ZNF778: variants seen among roughly 807,000 people sequenced by gnomAD.
ZNF778 encodes zinc finger protein 778.
In ZNF778, 37 loss-of-function variants were observed where a neutral mutation model predicts 23.9. That is an observed-to-expected ratio of 1.54 (90% CI 1.19 to 2.03). The LOEUF (loss-of-function observed/expected upper bound fraction) is 2.03, where lower values mean the gene tolerates loss of function less well. ZNF778 is among the 30% of genes most tolerant of loss of function. ZNF778 has a pLI of 0.00. For synonymous variants in ZNF778, 483 were observed against 343.9 expected, an observed-to-expected ratio of 1.40 and a Z score of -4.48; for missense variants, 1,297 against 934.4, an observed-to-expected ratio of 1.39 and a Z score of -5.06.
At chr16:89,224,499 G>C (rs1169037155) in intron 4 of ZNF778, 3 of 444,226 alleles carry the variant, frequency 6.8e-6, no homozygotes, top group African/African-American at 5.9e-5. Context: ...GGCACCTATA[G>C]TCCCAGCTAC....
rs1301066838 is a variant in ZNF778, at chr16:89,227,204, G to GT, written c.916_917insT (p.Glu306ValfsTer5). 6.2e-7 allele frequency: 1 copy of GT among 1,613,886 alleles called. No individual in the cohort carries two copies. Among genetic ancestry groups the GT allele is most frequent in the East Asian group, 2.2e-5 (1 of 44,884 alleles). The stretch of plus-strand genomic sequence containing the variant: ...TGGTCGCGTGCAAGTCCACCCTGGG[G>GT]AAAAGCCCTGTGAATTGGAAGAATG... On this transcript the variant is annotated frameshift_variant, in exon 7 of 7. Coordinates refer to ENST00000433976, the MANE Select transcript of ZNF778 (RefSeq NM_001201407.2). LOFTEE classifies it low-confidence loss of function (END_TRUNC).
At chr16:89,222,066 G>A in intron 2 of ZNF778, 26 bp from the exon 3 acceptor site, 1 of 1,549,646 alleles carries the variant, frequency 6.5e-7, no homozygotes, top group Non-Finnish European at 8.8e-7. Flanking sequence ...GGGTTCTCAT[G>A]CCTTCTTGCC....
Position 89,234,559 on chromosome 16 carries a change from T to A in ZNF778, c.*5997T>A. On this transcript the variant is annotated 3_prime_UTR_variant, in exon 7 of 7. Transcript: ENST00000433976. The stretch of plus-strand genomic sequence containing the variant: ...AGGCTGTTGTGAGGTGAGTCACCAC[T>A]TGTGACTTAGAAGATTGCAGTGGTT... 6.0e-6 allele frequency: 1 copy of A among 166,440 alleles called. No individual in the cohort carries two copies. Among genetic ancestry groups the A allele is most frequent in the Admixed American group, 5.6e-5 (1 of 17,816 alleles). 10.3% of individuals were successfully genotyped at this position (166,440 alleles called of 1,614,324 possible). A position where few individuals can be genotyped will look rare whatever the true frequency, so the allele number is the denominator to read the frequency against.
chr16:89,235,916 T>G lies in ZNF778; in HGVS notation c.*7354T>G, dbSNP rs561811996. 6.6e-6 allele frequency: 1 copy of G among 151,364 alleles called. No individual in the cohort carries two copies. The highest frequency in any genetic ancestry group is 1.9e-4 in the East Asian group (1 of 5,168). 9.4% of individuals were successfully genotyped at this position (151,364 alleles called of 1,614,324 possible). A position where few individuals can be genotyped will look rare whatever the true frequency, so the allele number is the denominator to read the frequency against. On this transcript the variant is annotated 3_prime_UTR_variant, in exon 7 of 7. Coordinates refer to ENST00000433976, the MANE Select transcript of ZNF778 (RefSeq NM_001201407.2). ...GCTCACACCTGTAATCCCAGCACTT[T>G]GGGAGGCCGAGGTGGGCGGATCACA...
chr16:89,234,187 A>G lies in ZNF778; in HGVS notation c.*5625A>G. On this transcript the variant is annotated 3_prime_UTR_variant, in exon 7 of 7. Coordinates refer to ENST00000433976, the MANE Select transcript of ZNF778 (RefSeq NM_001201407.2). Reference sequence around the variant, plus strand: ...CACTCACCTTGACGAGTCCGCGTCTAGGCCCCACCAGTGGTGTGGTTTTCC... The same window carrying G: ...CACTCACCTTGACGAGTCCGCGTCTGGGCCCCACCAGTGGTGTGGTTTTCC... 2.6e-6 allele frequency: 1 copy of G among 384,564 alleles called. No homozygotes were observed. Among genetic ancestry groups the G allele is most frequent in the Non-Finnish European group, 5.1e-6 (1 of 194,976 alleles). 23.8% of individuals were successfully genotyped at this position (384,564 alleles called of 1,614,324 possible).
rs1418223066 is a variant in ZNF778, at chr16:89,229,112, C to T, written c.*550C>T. 1.0e-6 allele frequency: 1 copy of T among 985,996 alleles called. No individual in the cohort carries two copies. The highest frequency in any genetic ancestry group is 1.7e-5 in the African/African-American group (1 of 57,262). 61.1% of individuals were successfully genotyped at this position (985,996 alleles called of 1,614,324 possible). A position where few individuals can be genotyped will look rare whatever the true frequency, so the allele number is the denominator to read the frequency against. Reference sequence around the variant, plus strand: ...TCATTCTTGGAGTGAGGACTCTGTTCCCTGTAGAAATCCTCCAGTCTGGTT... The same window carrying T: ...TCATTCTTGGAGTGAGGACTCTGTTTCCTGTAGAAATCCTCCAGTCTGGTT... On this transcript the variant is annotated 3_prime_UTR_variant, in exon 7 of 7. Transcript: ENST00000433976.
chr16:89,219,372 T>C (rs1241330645), intron 1 of ZNF778, among the ~76,000 whole-genome samples: 1 of 152,220 alleles, frequency 6.6e-6, no homozygotes, highest in Non-Finnish European at 1.5e-5. Context: ...GAACTTGTAA[T>C]TGAATTCAGA....
At position 89,226,957 on chromosome 16, in the gene ZNF778, A is replaced by T; in HGVS notation, c.669A>T (p.Arg223Ser). ...VVSQQACTRD[R>S]SLDYSSCGEV... is the part of the protein sequence containing the mutation. ...CCCAGCAAGCATGCACTCGGGACAG[A>T]TCTCTTGACTACAGCAGCTGTGGGG... Residue 223 changes from arginine (R) to serine (S), a missense_variant, in exon 7 of 7, where the codon AGA becomes AGT. Coordinates refer to ENST00000433976, the MANE Select transcript of ZNF778 (RefSeq NM_001201407.2). 5 of 1,613,986 alleles carry T rather than the reference A, an allele frequency of 3.1e-6. No individual in the cohort carries two copies. Among genetic ancestry groups the T allele is most frequent in the Non-Finnish European group, 4.2e-6 (5 of 1,179,902 alleles).
intron 5 of ZNF778, among the ~76,000 whole-genome samples, 160 bp from the exon 6 acceptor site, chr16:89,225,395 A>C (rs775106022): frequency 5.3e-5 from 8 of 151,836 alleles, no homozygotes; most frequent in Non-Finnish European, 1.0e-4. Context: ...GTATTTTAAA[A>C]TCTTCTAAAT....
At chr16:89,222,449 C>T (rs1443247887) in intron 3 of ZNF778, among the ~76,000 whole-genome samples, 2 of 152,138 alleles carry the variant, frequency 1.3e-5, no homozygotes, top group African/African-American at 2.4e-5. Context: ...CTGCAATCTC[C>T]GCCTCCCAGG....
rs756056109 is a variant in ZNF778 at position 89,234,078 on chromosome 16, T to G, written c.*5516T>G. The G allele has an allele frequency of 1.3e-5, 8 of 629,134 alleles. No homozygotes were observed. Among genetic ancestry groups the G allele is most frequent in the Non-Finnish European group, 2.1e-5 (8 of 385,204 alleles). The allele number at this position is 629,134 out of a possible 1,614,324, so 39.0% of individuals were successfully genotyped here. A position where few individuals can be genotyped will look rare whatever the true frequency, so the allele number is the denominator to read the frequency against. ...TCCTGCCCAGCTCTGCAGCTCCCCT[T>G]GGGCCCTGCCTGGAGTGATGTGCCG... On this transcript the variant is annotated 3_prime_UTR_variant, in exon 7 of 7. Coordinates refer to ENST00000433976, the MANE Select transcript of ZNF778 (RefSeq NM_001201407.2).
chr16:89,225,743 G>T, intron 6 of ZNF778, 112 bp downstream of exon 6: 2 of 988,260 alleles, frequency 2.0e-6, no homozygotes, highest in Non-Finnish European at 3.0e-6. Context: ...ATTCACTCAG[G>T]CAGGGGTTGT....
chr16:89,220,145 G>T (rs2030777514), intron 1 of ZNF778, among the ~76,000 whole-genome samples: 1 of 152,316 alleles, frequency 6.6e-6, no homozygotes, highest in South Asian at 2.1e-4. Flanking sequence ...AGCCTGTGCA[G>T]GTGACAACAA....
chr16:89,221,782 C>CTG (rs57569493), intron 2 of ZNF778, among the ~76,000 whole-genome samples: 116,211 of 143,582 alleles, frequency 0.81, 48,215 homozygotes, highest in Non-Finnish European at 0.91. Context: ...CTCTGTATGA[C>CTG]TGTGTGTGTG....
At chr16:89,218,603 A>C (rs545947726) in intron 1 of ZNF778, among the ~76,000 whole-genome samples, 2 of 148,266 alleles carry the variant, frequency 1.3e-5, no homozygotes, top group South Asian at 2.1e-4. Flanking sequence ...CATCCTGGCT[A>C]ACACGGTGAA....
At chr16:89,223,401 C>G (rs2031160844) in intron 4 of ZNF778, 118 bp downstream of exon 4, 4 of 1,410,186 alleles carry the variant, frequency 2.8e-6, no homozygotes, top group African/African-American at 1.4e-5. Flanking sequence ...GATATAACAA[C>G]TGTGCTAGTA....
chr16:89,218,143 G>C (rs1040459632), intron 1 of ZNF778: 2 of 152,264 alleles, frequency 1.3e-5, no homozygotes, highest in Non-Finnish European at 2.9e-5. Flanking sequence ...CCTCGGGGCG[G>C]GAGGGATGCG....
Position 89,226,786 on chromosome 16 carries a change from T to C in ZNF778, c.498T>C (p.Thr166=). The C allele has an allele frequency of 6.2e-7, 1 of 1,613,988 alleles. No homozygotes were observed. Among genetic ancestry groups the C allele is most frequent in the South Asian group, 1.1e-5 (1 of 91,080 alleles). Residue 166 remains threonine, a synonymous_variant, in exon 7 of 7, where the codon ACT becomes ACC. Coordinates refer to ENST00000433976, the MANE Select transcript of ZNF778 (RefSeq NM_001201407.2). ...CAGGCCTCAGCACACACGTGAGAAC[T>C]CAAAATACAGGAGACAGTTGTGTGT... ...EHSGLSTHVR[T]QNTGDSCVSN... is the part of the protein sequence containing the mutation.
chr16:89,230,579 T>A lies in ZNF778; in HGVS notation c.*2017T>A, dbSNP rs1178625357. 1 of 152,278 alleles carries A rather than the reference T, an allele frequency of 6.6e-6. No homozygotes were observed. 9.4% of individuals were successfully genotyped at this position (152,278 alleles called of 1,614,324 possible). ...CATGAAAACAGACCAGGGACACGGC[T>A]GGTCCTGATGTTCTGTGGCGCTTGG... On this transcript the variant is annotated 3_prime_UTR_variant, in exon 7 of 7. Transcript: ENST00000433976.
Sources: gnomAD v4.1 joint callset for allele counts (sites outside exome capture counted in the v4.1 genomes callset) on GRCh38, gnomAD v4.1.1 for gene constraint, MANE v1.5 for transcripts, NCBI Gene and HGNC (gene_info 2026-07-23, HGNC 2026-07-21) for gene names.